TRAIP: variants seen among roughly 807,000 people sequenced by gnomAD.
TRAIP encodes the protein E3 ubiquitin-protein ligase TRAIP.
TRAIP carries 37 observed loss-of-function variants against 65.0 expected under a neutral mutation model. The ratio of observed to expected loss-of-function variants is 0.57; its 90% CI spans 0.44 to 0.75. The LOEUF is 0.75. Among genes scored for constraint, TRAIP ranks in the 30% least tolerant of loss-of-function variants. The probability of loss-of-function intolerance (pLI) is 0.00; values close to 1 mark genes in which losing one functional copy is unlikely to be tolerated. For missense variants in TRAIP, 481 were observed against 579.4 expected (o/e 0.83, Z 1.74); for synonymous variants, 187 against 219.1 (o/e 0.85, Z 1.29).
chr3:49,855,585 G>A (rs891469918), intron 1 of TRAIP, among the ~76,000 whole-genome samples: 1 of 152,190 alleles, frequency 6.6e-6, no homozygotes, highest in Non-Finnish European at 1.5e-5. Context: ...CCCTCAGCAT[G>A]GGGCTCAGGC....
rs527623063 is a variant in TRAIP, at chr3:49,832,382, C to T, written c.885-314G>A. Reference sequence around the variant, plus strand: ...GCTTGTGTCTGTAGTCCCAGCTACTCGGGAGGCTGAGGCAGGAGAATTGCT... The same window carrying T: ...GCTTGTGTCTGTAGTCCCAGCTACTTGGGAGGCTGAGGCAGGAGAATTGCT... On this transcript the variant is annotated intron_variant, in intron 10 of 14. Transcript: ENST00000331456. 4.9e-3 allele frequency among the ~76,000 whole-genome samples: 735 copies of T among 150,856 alleles called. 8 individuals carry two copies. Among genetic ancestry groups the T allele is most frequent in the African/African-American group, 0.017 (693 of 40,962 alleles).
chr3:49,846,599 C>T (rs2081884634), intron 3 of TRAIP, among the ~76,000 whole-genome samples: 1 of 152,244 alleles, frequency 6.6e-6, no homozygotes, highest in Non-Finnish European at 1.5e-5. Context: ...CAGCTCCCCT[C>T]TTCCCTCACA....
At chr3:49,841,760 G>T in intron 7 of TRAIP, 66 bp downstream of exon 7, 1 of 1,253,656 alleles carries the variant, frequency 8.0e-7, no homozygotes, top group Non-Finnish European at 1.2e-6. Context: ...GAGATGGGGA[G>T]CAATGACACG....
At chr3:49,847,167 G>A (rs1468968692) in intron 3 of TRAIP, among the ~76,000 whole-genome samples, 1 of 150,408 alleles carries the variant, frequency 6.6e-6, no homozygotes, top group East Asian at 1.9e-4. Context: ...GTGACAGAGT[G>A]AGACTTCATC....
rs533970663 is a variant in TRAIP, at chr3:49,835,500, T to C, written c.885-3432A>G. Reference sequence around the variant, plus strand: ...ACATTCTGGAGTGGGATGGTGGTGATGGTTGCACAGCAATTAAATGTACTT... The same window carrying C: ...ACATTCTGGAGTGGGATGGTGGTGACGGTTGCACAGCAATTAAATGTACTT... On this transcript the variant is annotated intron_variant, in intron 10 of 14. Transcript: ENST00000331456. Among the ~76,000 whole-genome samples, 116 of 152,288 alleles carry C rather than the reference T, an allele frequency of 7.6e-4. 1 individual carries two copies. Among genetic ancestry groups the C allele is most frequent in the Middle Eastern group, 3.4e-3 (1 of 294 alleles).
intron 1 of TRAIP, among the ~76,000 whole-genome samples, chr3:49,850,547 CAGTAGCTATCTTAATATGGGG>C (rs2081921522): frequency 6.7e-6 from 1 of 149,190 alleles, no homozygotes; most frequent in Non-Finnish European, 1.5e-5. Context: ...AAAGTCAAGA[CAGTAGCTATCTTAATATGGGG>C]AGGTGGAGGG....
At chr3:49,847,463 AAAAAG>A (rs1304193889) in intron 3 of TRAIP, 57 bp downstream of exon 3, 1 of 1,071,676 alleles carries the variant, frequency 9.3e-7, no homozygotes, top group African/African-American at 1.6e-5. Flanking sequence ...AAAGAAAAGA[AAAAAG>A]AAAAGTGAAC....
chr3:49,844,634 C>T (rs897500409), intron 3 of TRAIP, 54 bp from the exon 4 acceptor site: 9 of 1,605,892 alleles, frequency 5.6e-6, no homozygotes, highest in East Asian at 2.2e-5. Context: ...CTGACCTCCA[C>T]GTGGTCTCCC....
At chr3:49,835,529 G>A (rs1004351321) in intron 10 of TRAIP, among the ~76,000 whole-genome samples, 3 of 152,160 alleles carry the variant, frequency 2.0e-5, no homozygotes, top group African/African-American at 7.2e-5. Flanking sequence ...TGTACTTGAT[G>A]CCACAGAAAT....
rs967198245 is a variant in TRAIP at position 49,841,003 on chromosome 3, C to A, written c.687G>T (p.Leu229Phe). 2.5e-6 allele frequency: 4 copies of A among 1,614,064 alleles called. No homozygotes were observed. Among genetic ancestry groups the A allele is most frequent in the Non-Finnish European group, 3.4e-6 (4 of 1,180,024 alleles). ...GEVADKLRKD[L>F]FSSRSKLQTV... ...AAGTTACCTTGCTTCTGGAGGAAAA[C>A]AAATCCTTCCTCAGCTTGTCAGCCA... The change falls in exon 8 of 15, where the codon TTG (leucine) becomes TTT (phenylalanine). Residue 229 changes from leucine to phenylalanine, a missense_variant. By Grantham distance (22) the Leu-to-Phe change is conservative. Transcript: ENST00000331456.
chr3:49,841,729 T>G, intron 7 of TRAIP, 97 bp downstream of exon 7: 4 of 947,082 alleles, frequency 4.2e-6, no homozygotes, highest in Non-Finnish European at 6.6e-6. Context: ...AGTTTGCCCC[T>G]TAGTTCCATC....
At chr3:49,832,217 G>T in intron 10 of TRAIP, 149 bp from the exon 11 acceptor site, 1 of 936,212 alleles carries the variant, frequency 1.1e-6, no homozygotes, top group Non-Finnish European at 1.4e-6. Flanking sequence ...TCTCGGCCAG[G>T]CACAGTGGCT....
chr3:49,834,757 C>A (rs2081766081), intron 10 of TRAIP, among the ~76,000 whole-genome samples: 1 of 152,166 alleles, frequency 6.6e-6, no homozygotes, highest in Non-Finnish European at 1.5e-5. Context: ...TAGCCAAGGA[C>A]CACCAGGTAT....
chr3:49,852,232 T>C (rs981943610), intron 1 of TRAIP, among the ~76,000 whole-genome samples: 1 of 150,596 alleles, frequency 6.6e-6, no homozygotes, highest in Non-Finnish European at 1.5e-5. Context: ...CCAGGCACGG[T>C]GGCGAGCGCC....
At chr3:49,840,692 T>C in intron 8 of TRAIP, 1 of 567,416 alleles carries the variant, frequency 1.8e-6, no homozygotes, top group East Asian at 2.9e-5. Context: ...CTGTCACATT[T>C]GAGGCCTGTG....
chr3:49,852,671 C>T (rs1243085847), intron 1 of TRAIP, among the ~76,000 whole-genome samples: 2 of 151,248 alleles, frequency 1.3e-5, no homozygotes, highest in East Asian at 2.0e-4. Context: ...AGGAGAATGG[C>T]GTGAACCCGG....
chr3:49,851,760 A>C (rs1197713864), intron 1 of TRAIP, among the ~76,000 whole-genome samples: 1 of 150,262 alleles, frequency 6.7e-6, no homozygotes, highest in Non-Finnish European at 1.5e-5. Context: ...GCAGTGGTGC[A>C]ATCTCGGCTC....
intron 1 of TRAIP, among the ~76,000 whole-genome samples, chr3:49,853,384 T>A (rs1229463553): frequency 6.6e-6 from 1 of 151,364 alleles, no homozygotes; most frequent in Non-Finnish European, 1.5e-5. Flanking sequence ...GCAGGAGGAT[T>A]GCTTTAGGCC....
chr3:49,832,054 T>G lies in TRAIP; in HGVS notation c.899A>C (p.Glu300Ala). The G allele has an allele frequency of 6.3e-7, 1 of 1,594,722 alleles. No homozygotes were observed. The highest frequency in any genetic ancestry group is 8.5e-7 in the Non-Finnish European group (1 of 1,170,164). The change falls in exon 11 of 15, where the codon GAG becomes GCG. Residue 300 changes from glutamate (E) to alanine (A), a missense_variant. Coordinates refer to ENST00000331456, the MANE Select transcript of TRAIP (RefSeq NM_005879.3). ...RLVLESPAPV[E>A]VNLKLRRPSF... ...TGGCCGGCGGAGCTTCAGATTCACC[T>G]CCACAGGGGCTGGGCTGAAGGCAGA... is the stretch of plus-strand genomic sequence containing the variant.
Sources: allele counts gnomAD v4.1 joint callset (sites outside exome capture counted in the v4.1 genomes callset), GRCh38; gene constraint gnomAD v4.1.1; transcripts MANE v1.5; gene names NCBI Gene and HGNC (gene_info 2026-07-23, HGNC 2026-07-21).